RAB38: variants seen among roughly 807,000 people sequenced by gnomAD.
RAB38 encodes the protein RAB38, member RAS oncogene family, also known as ras-related protein Rab-38.
A neutral mutation model predicts 18.4 loss-of-function variants in RAB38; 15 were observed. That is an observed-to-expected ratio of 0.82 (90% CI 0.55 to 1.26). The LOEUF (loss-of-function observed/expected upper bound fraction) is 1.26. RAB38 is among the 50% of genes most tolerant of loss of function. The pLI is 0.00. For missense variants in RAB38, 294 were observed against 267.4 expected, an observed-to-expected ratio of 1.10 and a Z score of -0.69; for synonymous variants, 101 against 104.4, an observed-to-expected ratio of 0.97 and a Z score of 0.20.
the RAB38 span, among the ~76,000 whole-genome samples, chr11:87,967,582 T>A: frequency 6.6e-6 from 1 of 152,106 alleles, no homozygotes; most frequent in African/African-American, 2.4e-5. Context: ...ATGCAATACA[T>A]TAAGAGAACA....
At chr11:88,036,219 T>C in the RAB38 span, among the ~76,000 whole-genome samples, 1 of 152,152 alleles carries the variant, frequency 6.6e-6, no homozygotes, top group African/African-American at 2.4e-5. Flanking sequence ...CACAACAAAA[T>C]GTTTCAAGGT....
chr11:88,053,391 CAT>C, the RAB38 span, among the ~76,000 whole-genome samples: 14 of 45,370 alleles, frequency 3.1e-4, 1 homozygote, highest in African/African-American at 8.2e-4. Context: ...TATACACACA[CAT>C]ATATATGGAA....
chr11:87,910,901 G>T, the RAB38 span, among the ~76,000 whole-genome samples: 2 of 151,994 alleles, frequency 1.3e-5, no homozygotes, highest in Admixed American at 6.6e-5. Context: ...CTCCCAAAGT[G>T]CTGGGATTAC....
the RAB38 span, among the ~76,000 whole-genome samples, chr11:87,868,960 C>T: frequency 6.6e-6 from 1 of 151,624 alleles, no homozygotes; most frequent in African/African-American, 2.4e-5. Context: ...AAGGTGAAAC[C>T]AAGACTGGAA....
the RAB38 span, among the ~76,000 whole-genome samples, chr11:88,099,164 AACGTAATTGAAAT>A: frequency 1.3e-5 from 2 of 151,948 alleles, no homozygotes; most frequent in Non-Finnish European, 2.9e-5. Context: ...TTAAAAATCA[AACGTAATTGAAAT>A]AGAATGAGGA....
At chr11:87,971,394 C>T in the RAB38 span, among the ~76,000 whole-genome samples, 1 of 151,982 alleles carries the variant, frequency 6.6e-6, no homozygotes, top group Non-Finnish European at 1.5e-5. Context: ...AAGAGAGAGC[C>T]CTGCAAATTG....
At chr11:88,043,211 C>A in the RAB38 span, among the ~76,000 whole-genome samples, 1 of 152,138 alleles carries the variant, frequency 6.6e-6, no homozygotes. Flanking sequence ...ATGCCTGTTT[C>A]CTCAAATAAA....
chr11:87,826,502 G>T, the RAB38 span, among the ~76,000 whole-genome samples: 1 of 151,972 alleles, frequency 6.6e-6, no homozygotes, highest in Non-Finnish European at 1.5e-5. Flanking sequence ...AAAATGCAAA[G>T]AAATCCAAAG....
At chr11:88,039,375 A>C in the RAB38 span, among the ~76,000 whole-genome samples, 338 of 152,252 alleles carry the variant, frequency 2.2e-3, 2 homozygotes, top group African/African-American at 7.8e-3. Context: ...ATGATAGAAC[A>C]GCAAAGCACC....
chr11:88,025,977 T>C, the RAB38 span, among the ~76,000 whole-genome samples: 105,914 of 151,798 alleles, frequency 0.7, 37,194 homozygotes, highest in East Asian at 0.76. Context: ...TCCTATGTTT[T>C]CTTCTAAAGA....
chr11:87,972,715 T>C, the RAB38 span, among the ~76,000 whole-genome samples: 182 of 152,182 alleles, frequency 1.2e-3, no homozygotes, highest in African/African-American at 3.9e-3. Context: ...TTTTTACCTA[T>C]ATATTTGAGG....
chr11:87,963,685 T>C, the RAB38 span, among the ~76,000 whole-genome samples: 1 of 151,682 alleles, frequency 6.6e-6, no homozygotes, highest in Non-Finnish European at 1.5e-5. Context: ...CTTGCTCTGT[T>C]GCCCAGGCTG....
the RAB38 span, among the ~76,000 whole-genome samples, chr11:88,093,104 A>G: frequency 2.0e-5 from 3 of 152,038 alleles, no homozygotes; most frequent in East Asian, 5.8e-4. Context: ...CAAGATTATT[A>G]TACTCCTTCA....
chr11:87,806,400 T>C, the RAB38 span, among the ~76,000 whole-genome samples: 124,817 of 151,972 alleles, frequency 0.82, 51,440 homozygotes, highest in East Asian at 0.95. Context: ...AAGAGCTCCC[T>C]GAGGTCTCTT....
At chr11:88,033,140 C>T in the RAB38 span, among the ~76,000 whole-genome samples, 4 of 151,998 alleles carry the variant, frequency 2.6e-5, no homozygotes, top group Non-Finnish European at 4.4e-5. Flanking sequence ...AAAAACCAAA[C>T]ACCGCATATT....
the RAB38 span, among the ~76,000 whole-genome samples, chr11:87,893,675 C>T: frequency 2.0e-5 from 3 of 151,404 alleles, no homozygotes; most frequent in African/African-American, 4.8e-5. Flanking sequence ...TTTTTCCAAT[C>T]CTCTTCCTCT....
intron 2 of RAB38, among the ~76,000 whole-genome samples, chr11:88,122,289 T>C (rs1392366100): frequency 6.6e-6 from 1 of 152,250 alleles, no homozygotes; most frequent in Non-Finnish European, 1.5e-5. Flanking sequence ...TATTAATATT[T>C]TGTTTTTAAT....
the RAB38 span, among the ~76,000 whole-genome samples, chr11:88,037,551 A>C: frequency 6.6e-6 from 1 of 152,180 alleles, no homozygotes; most frequent in Non-Finnish European, 1.5e-5. Context: ...ACCTCCACAA[A>C]AACTCTTTTA....
chr11:88,009,507 G>A, the RAB38 span, among the ~76,000 whole-genome samples: 1 of 152,282 alleles, frequency 6.6e-6, no homozygotes, highest in South Asian at 2.1e-4. Context: ...TAGAAGCTGT[G>A]TGAAAGGCAT....
Sources: allele counts gnomAD v4.1 joint callset (sites outside exome capture counted in the v4.1 genomes callset), GRCh38; gene constraint gnomAD v4.1.1; transcripts MANE v1.5; gene names NCBI Gene and HGNC (gene_info 2026-07-23, HGNC 2026-07-21).